SMAP1: variants seen among roughly 807,000 people sequenced by gnomAD.
SMAP1 encodes small ArfGAP 1.
SMAP1 carries 24 observed loss-of-function variants against 58.5 expected under a neutral mutation model. That is an observed-to-expected ratio of 0.41 (90% confidence interval 0.30 to 0.58). SMAP1 has a LOEUF of 0.58. SMAP1 is among the 20% of genes least tolerant of loss of function. The probability of loss-of-function intolerance (pLI) is 0.29; values close to 1 mark genes in which losing one functional copy is unlikely to be tolerated. For missense variants in SMAP1, 563 were observed against 566.3 expected (o/e 0.99, Z 0.06); for synonymous variants, 216 against 196.6 (o/e 1.10, Z -0.82).
chr6:70,755,208 T>C, intron 3 of SMAP1, 143 bp downstream of exon 3: 2 of 663,238 alleles, frequency 3.0e-6, no homozygotes, highest in East Asian at 2.8e-5. Context: ...TGCTGTGAGC[T>C]GTGCTTTGTA....
At chr6:70,753,165 T>C (rs931100642) in intron 2 of SMAP1, among the ~76,000 whole-genome samples, 5 of 151,840 alleles carry the variant, frequency 3.3e-5, no homozygotes, top group African/African-American at 9.7e-5. Context: ...TACGGACCAA[T>C]AAGAAAAAAA....
At chr6:70,769,051 C>T (rs368616914) in intron 3 of SMAP1, among the ~76,000 whole-genome samples, 1 of 152,082 alleles carries the variant, frequency 6.6e-6, no homozygotes, top group Non-Finnish European at 1.5e-5. Context: ...TTCCATGTAG[C>T]TGAGCAGTTT....
Position 70,782,929 on chromosome 6 carries a change from A to T in SMAP1, c.415-8760A>T, listed in dbSNP as rs944262882. Among the ~76,000 whole-genome samples, 4 of 152,310 alleles carry T rather than the reference A, an allele frequency of 2.6e-5. No homozygotes were observed. In the East Asian group the frequency reaches 7.7e-4, roughly 29 times the overall value. On this transcript the variant is annotated intron_variant, in intron 4 of 10. Transcript: ENST00000370455. ...TTCTGCATTTCCATCTGAGCTTTGA[A>T]GAGAGTAGTCGTTCTCCCAGCACGC...
chr6:70,719,838 A>G (rs572048471), intron 1 of SMAP1, among the ~76,000 whole-genome samples: 19 of 152,300 alleles, frequency 1.2e-4, no homozygotes, highest in African/African-American at 3.6e-4. Flanking sequence ...CCATGGTTCA[A>G]TTATCTTGCT....
At position 70,670,161 on chromosome 6, in the gene SMAP1, G is replaced by C. The variant is rs140736743; in HGVS notation, c.118+2020G>C. On this transcript the variant is annotated intron_variant, in intron 1 of 10. Transcript: ENST00000370455. ...TGTCTGGCCTTTTGTTGGTTTACTT[G>C]TTTTGAGAAGTGAAGGAAGTGGGAG... Among the ~76,000 whole-genome samples, 989 of 152,228 alleles carry C rather than the reference G, an allele frequency of 6.5e-3. 4 individuals carry two copies. The highest frequency in any genetic ancestry group is 0.011 in the Non-Finnish European group (771 of 67,986).
intron 1 of SMAP1, among the ~76,000 whole-genome samples, chr6:70,724,572 G>A (rs1435670390): frequency 1.3e-5 from 2 of 152,162 alleles, no homozygotes; most frequent in Non-Finnish European, 2.9e-5. Flanking sequence ...TTCATTTTAG[G>A]AAATGATTAA....
intron 9 of SMAP1, chr6:70,857,583 C>T (rs572703458): frequency 1.3e-4 from 32 of 254,830 alleles, no homozygotes; most frequent in Middle Eastern, 1.4e-3. Context: ...TTCCCTGTTT[C>T]GTACTGGGGG....
In SMAP1 at chr6:70,768,224, G is replaced by A. The variant is rs374346932; in HGVS notation, c.339-5126G>A. Among the ~76,000 whole-genome samples, 4 of 152,278 alleles carry A rather than the reference G, an allele frequency of 2.6e-5. No homozygotes were observed. In the East Asian group the frequency reaches 7.7e-4, roughly 29 times the overall value. On this transcript the variant is annotated intron_variant, in intron 3 of 10. Coordinates refer to ENST00000370455, the MANE Select transcript of SMAP1 (RefSeq NM_001044305.3). ...GTCTAAAATTCTCTTTTTTGGTTGT[G>A]TCTCTGTCAGGCTTTGGTATCAGGA...
intron 4 of SMAP1, among the ~76,000 whole-genome samples, chr6:70,784,550 G>A (rs1288139306): frequency 1.3e-5 from 2 of 152,096 alleles, no homozygotes; most frequent in Non-Finnish European, 2.9e-5. Context: ...GCTGTATTCA[G>A]GAAACCCATC....
chr6:70,774,748 G>T (rs897249544), intron 4 of SMAP1, among the ~76,000 whole-genome samples: 1 of 149,330 alleles, frequency 6.7e-6, no homozygotes, highest in African/African-American at 2.5e-5. Context: ...TTTTTTTTTC[G>T]ACTGGGCATG....
intron 2 of SMAP1, among the ~76,000 whole-genome samples, chr6:70,743,731 T>A (rs1301935594): frequency 1.3e-5 from 2 of 152,224 alleles, no homozygotes; most frequent in Non-Finnish European, 2.9e-5. Context: ...TTAATTGAGA[T>A]TCAGTTGATG....
chr6:70,812,487 A>T (rs1401846050), intron 6 of SMAP1, among the ~76,000 whole-genome samples: 1 of 152,152 alleles, frequency 6.6e-6, no homozygotes, highest in Admixed American at 6.6e-5. Flanking sequence ...ACACTTTGTT[A>T]TTCTTCATCT....
intron 7 of SMAP1, among the ~76,000 whole-genome samples, chr6:70,849,928 G>A (rs750905696): frequency 6.6e-6 from 1 of 152,130 alleles, no homozygotes; most frequent in African/African-American, 2.4e-5. Context: ...CTAAGACTTT[G>A]CTCCTGCTCT....
chr6:70,705,953 A>G (rs1005305864), intron 1 of SMAP1, among the ~76,000 whole-genome samples: 1 of 152,192 alleles, frequency 6.6e-6, no homozygotes, highest in Non-Finnish European at 1.5e-5. Flanking sequence ...GTGTGTAACT[A>G]CTTCATGAAC....
intron 1 of SMAP1, among the ~76,000 whole-genome samples, chr6:70,719,544 G>GCTC (rs1768424693): frequency 6.6e-6 from 1 of 152,086 alleles, no homozygotes; most frequent in African/African-American, 2.4e-5. Flanking sequence ...TAGCCAAAAT[G>GCTC]CTCCTATATC....
intron 2 of SMAP1, among the ~76,000 whole-genome samples, chr6:70,749,091 G>A (rs751916132): frequency 3.3e-5 from 5 of 152,042 alleles, no homozygotes; most frequent in Non-Finnish European, 7.4e-5. Flanking sequence ...TAATTGACTC[G>A]GTTCCTCATG....
intron 3 of SMAP1, among the ~76,000 whole-genome samples, chr6:70,768,716 G>A (rs966251341): frequency 7.7e-4 from 117 of 151,138 alleles, no homozygotes; most frequent in African/African-American, 2.7e-3. Flanking sequence ...TGGATTCATT[G>A]ATTTTTTGAA....
At chr6:70,792,553 G>A (rs748207186) in intron 5 of SMAP1, among the ~76,000 whole-genome samples, 1 of 151,914 alleles carries the variant, frequency 6.6e-6, no homozygotes, top group Non-Finnish European at 1.5e-5. Flanking sequence ...TGTGATTGAG[G>A]TACGCTCACT....
At chr6:70,669,188 G>C (rs1224492453) in intron 1 of SMAP1, among the ~76,000 whole-genome samples, 1 of 152,060 alleles carries the variant, frequency 6.6e-6, no homozygotes, top group Non-Finnish European at 1.5e-5. Flanking sequence ...TTCGTTATTG[G>C]GTGAGAAATA....
Sources: gnomAD v4.1 joint callset for allele counts (sites outside exome capture counted in the v4.1 genomes callset) on GRCh38, gnomAD v4.1.1 for gene constraint, MANE v1.5 for transcripts, NCBI Gene and HGNC (gene_info 2026-07-23, HGNC 2026-07-21) for gene names.